The following MRPL40 variants were observed in gnomAD, a reference collection of about 807,000 sequenced individuals.
The protein encoded by MRPL40 is mitochondrial ribosomal protein L40.
MRPL40 carries 18 observed loss-of-function variants against 24.5 expected under a neutral mutation model. The ratio of observed to expected loss-of-function variants is 0.73; its 90% CI spans 0.51 to 1.09. MRPL40 has a LOEUF of 1.09. Among genes scored for constraint, MRPL40 ranks in the 50% least tolerant of loss-of-function variants. The pLI is 0.00. For missense variants in MRPL40, 256 were observed against 243.8 expected, an observed-to-expected ratio of 1.05 and a Z score of -0.33; for synonymous variants, 108 against 94.6, an observed-to-expected ratio of 1.14 and a Z score of -0.82.
intron 3 of MRPL40, among the ~76,000 whole-genome samples, chr22:19,435,364 T>G (rs1601874213): frequency 1.3e-5 from 2 of 152,310 alleles, no homozygotes; most frequent in South Asian, 4.1e-4. Flanking sequence ...GGGGCAGGTG[T>G]TAAAAGTCTT....
At chr22:19,433,627 A>G (rs2089566207) in intron 2 of MRPL40, among the ~76,000 whole-genome samples, 1 of 152,142 alleles carries the variant, frequency 6.6e-6, no homozygotes, top group Admixed American at 6.5e-5. Context: ...CTGTTTCTCC[A>G]TGACCCTTCC....
intron 2 of MRPL40, 96 bp from the exon 3 acceptor site, chr22:19,434,640 C>A (rs990713339): frequency 6.1e-6 from 6 of 980,152 alleles, no homozygotes; most frequent in Non-Finnish European, 9.0e-6. Context: ...CTCCTTCCCC[C>A]AGTGGAGAGG....
chr22:19,435,952 T>G lies in MRPL40; in HGVS notation c.611T>G (p.Phe204Cys). The G allele has an allele frequency of 1.9e-6, 3 of 1,612,664 alleles. No homozygotes were observed. Among genetic ancestry groups the G allele is most frequent in the Non-Finnish European group, 2.5e-6 (3 of 1,178,896 alleles). Reference sequence around the variant, plus strand: ...ACCAAGGTGTACACACAAGTGGAGTTTAAGAGATAGACTTGCAGGCTGCTA... The same window carrying G: ...ACCAAGGTGTACACACAAGTGGAGTGTAAGAGATAGACTTGCAGGCTGCTA... ...DITKVYTQVE[F>C]KR Residue 204 changes from phenylalanine (F) to cysteine (C), a missense_variant, in exon 4 of 4, where the codon TTT becomes TGT. Physicochemically the swap from Phe to Cys is radical, Grantham distance 205. Transcript: ENST00000333130.
Position 19,432,903 on chromosome 22 carries a change from T to C in MRPL40, c.53+296T>C, listed in dbSNP as rs748425591. On this transcript the variant is annotated intron_variant, in intron 1 of 3. Transcript: ENST00000333130. ...GGTTTGGGAGCATTGCAATTTTTTA[T>C]TTTCCTGTGAAGTGGGAGAGAATCA... 998 of 1,259,852 alleles carry C rather than the reference T, an allele frequency of 7.9e-4. 2 individuals carry two copies. Among genetic ancestry groups the C allele is most frequent in the South Asian group, 1.2e-3 (57 of 47,320 alleles). 78.0% of individuals were successfully genotyped at this position (1,259,852 alleles called of 1,614,324 possible).
Position 19,433,290 on chromosome 22 carries a change from C to T in MRPL40, c.79C>T (p.Leu27Phe), listed in dbSNP as rs773033924. ...GCTTCTGGGAACTTGGCAGACGCAGCTTAGAGAGACTCACCAGCGAGCGTC... is the reference window on the plus strand; with the variant it reads ...GCTTCTGGGAACTTGGCAGACGCAGTTTAGAGAGACTCACCAGCGAGCGTC... ...SGLLGTWQTQ[L>F]RETHQRASLL... The change falls in exon 2 of 4, where the codon CTT becomes TTT. Residue 27 changes from leucine to phenylalanine, a missense_variant. Coordinates refer to ENST00000333130, the MANE Select transcript of MRPL40 (RefSeq NM_003776.4). 20 of 1,612,670 alleles carry T rather than the reference C, an allele frequency of 1.2e-5. No individual in the cohort carries two copies. The Admixed American group carries it at 1.7e-4, about 13-fold the overall frequency.
rs1421652461 is a variant in MRPL40, at chr22:19,434,558, C to T, written c.138-178C>T. Reference sequence around the variant, plus strand: ...TATTTCTTGTAATTGATGGCACCTACACAGTTCTCACAAGTACTGTGGGGT... The same window carrying T: ...TATTTCTTGTAATTGATGGCACCTATACAGTTCTCACAAGTACTGTGGGGT... On this transcript the variant is annotated intron_variant, in intron 2 of 3. Coordinates refer to ENST00000333130, the MANE Select transcript of MRPL40 (RefSeq NM_003776.4). Among the ~76,000 whole-genome samples, 7 of 152,248 alleles carry T rather than the reference C, an allele frequency of 4.6e-5. 1 individual carries two copies. The highest frequency in any genetic ancestry group is 1.3e-4 in the Admixed American group (2 of 15,298).
intron 3 of MRPL40, among the ~76,000 whole-genome samples, chr22:19,435,403 C>T (rs1358311220): frequency 6.6e-6 from 1 of 152,204 alleles, no homozygotes; most frequent in African/African-American, 2.4e-5. Flanking sequence ...TTTGCTTGGG[C>T]AGAGGAAGTG....
intron 1 of MRPL40, 67 bp downstream of exon 1, chr22:19,432,674 C>A: frequency 6.7e-7 from 1 of 1,491,744 alleles, no homozygotes; most frequent in Non-Finnish European, 9.0e-7. Context: ...CGACTGTCCG[C>A]CAGGACTCGC....
At position 19,434,798 on chromosome 22, in the gene MRPL40, G is replaced by A. The variant is rs557010765; in HGVS notation, c.200G>A (p.Arg67His). The A allele has an allele frequency of 9.3e-6, 15 of 1,612,344 alleles. No individual in the cohort carries two copies. The highest frequency in any genetic ancestry group is 4.4e-5 in the South Asian group (4 of 90,640). Reference protein sequence around the residue: ...DPKKDQEAKERLKRKIRKLEK... With the variant: ...DPKKDQEAKEHLKRKIRKLEK... ...AAAAAAGACCAAGAAGCAAAGGAGCGCTTGAAAAGGAAGATCCGAAAACTG... is the reference window on the plus strand; with the variant it reads ...AAAAAAGACCAAGAAGCAAAGGAGCACTTGAAAAGGAAGATCCGAAAACTG... The change falls in exon 3 of 4, where the codon CGC (arginine) becomes CAC (histidine). Residue 67 changes from arginine (R) to histidine (H), a missense_variant. Coordinates refer to ENST00000333130, the MANE Select transcript of MRPL40 (RefSeq NM_003776.4).
chr22:19,433,064 T>C, intron 1 of MRPL40: 1 of 517,730 alleles, frequency 1.9e-6, no homozygotes. Context: ...GTAGCTCGGA[T>C]TACAGGCGCC....
At chr22:19,433,222 G>A (rs766613832) in intron 1 of MRPL40, 43 bp from the exon 2 acceptor site, 1 of 1,413,110 alleles carries the variant, frequency 7.1e-7, no homozygotes, top group Admixed American at 1.7e-5. Context: ...ACCGCGCCTA[G>A]CCTGGAGAAG....
Position 19,434,877 on chromosome 22 carries a change from G to C in MRPL40, c.279G>C (p.Lys93Asn). The C allele has an allele frequency of 6.3e-7, 1 of 1,594,280 alleles. No individual in the cohort carries two copies. ...IPIEDFITPL[K>N]FLDKARERPQ... ...TTGAAGATTTTATTACCCCTCTAAA[G>C]TTCTTGGATAAAGCAAGGTAAGGAT... The change falls in exon 3 of 4, where the codon AAG becomes AAC. Residue 93 changes from lysine (K) to asparagine (N), a missense_variant. Transcript: ENST00000333130.
chr22:19,435,656 G>A lies in MRPL40; in HGVS notation c.315G>A (p.Glu105=). The change falls in exon 4 of 4, where the codon GAG becomes GAA. Residue 105 remains glutamate, a synonymous_variant. Transcript: ENST00000333130. ...TTTGCAGAGAGCGGCCTCAGGTGGA[G>A]CTCACCTTTGAGGAGACTGAGAGGA... ...LDKARERPQV[E]LTFEETERRA... is the part of the protein sequence containing the mutation. 1.9e-6 allele frequency: 3 copies of A among 1,613,602 alleles called. No homozygotes were observed. The highest frequency in any genetic ancestry group is 2.5e-6 in the Non-Finnish European group (3 of 1,179,688).
In MRPL40 at chr22:19,436,043, G is replaced by C. The variant is rs1325682831; in HGVS notation, c.*81G>C. On this transcript the variant is annotated 3_prime_UTR_variant, in exon 4 of 4. Coordinates refer to ENST00000333130, the MANE Select transcript of MRPL40 (RefSeq NM_003776.4). ...TCAAGTCTGCTTTCCACAGAATCAG[G>C]CATGCTGTTAATAAATACTGGTTTA... 1.9e-5 allele frequency: 23 copies of C among 1,182,904 alleles called. No homozygotes were observed. The highest frequency in any genetic ancestry group is 2.7e-5 in the Non-Finnish European group (22 of 828,786). The allele number at this position is 1,182,904 out of a possible 1,614,324, so 73.3% of individuals were successfully genotyped here.
At chr22:19,433,667 A>T in intron 2 of MRPL40, among the ~76,000 whole-genome samples, 1 of 151,956 alleles carries the variant, frequency 6.6e-6, no homozygotes, top group East Asian at 1.9e-4. Flanking sequence ...GGCCCTGGAG[A>T]GTGTGGGGAA....
chr22:19,434,973 C>T (rs1332991000), intron 3 of MRPL40, 79 bp downstream of exon 3: 1 of 1,242,806 alleles, frequency 8.0e-7, no homozygotes, highest in East Asian at 2.3e-5. Context: ...CTGTAGTTCA[C>T]ACCTGTGATA....
intron 1 of MRPL40, chr22:19,432,930 ATATT>A (rs920670454): frequency 6.5e-4 from 738 of 1,128,558 alleles, no homozygotes; most frequent in Non-Finnish European, 7.2e-4. Flanking sequence ...AGAGAATCAG[ATATT>A]TATTTATTTA....
At position 19,432,587 on chromosome 22, in the gene MRPL40, A is replaced by G. The variant is rs999982880; in HGVS notation, c.33A>G (p.Leu11=). Reference sequence around the variant, plus strand: ...CCTCCGTGCTGCGAAGTATCTCGCTAGCCCTGCGCCCGACTAGCGGGTGAG... The same window carrying G: ...CCTCCGTGCTGCGAAGTATCTCGCTGGCCCTGCGCCCGACTAGCGGGTGAG... MTASVLRSIS[L]ALRPTSGLLG... is the part of the protein sequence containing the mutation. Residue 11 remains leucine, a synonymous_variant, in exon 1 of 4, where the codon CTA becomes CTG. Transcript: ENST00000333130. The G allele has an allele frequency of 9.0e-6, 14 of 1,553,862 alleles. No homozygotes were observed. The African/African-American group carries it at 1.2e-4, about 14-fold the overall frequency.
In MRPL40 at chr22:19,435,766, C is replaced by A. The variant is rs761723495; in HGVS notation, c.425C>A (p.Ala142Asp). ...ERDTIRAMLE[A>D]QQEALEELQL... The stretch of plus-strand genomic sequence containing the variant: ...GACACCATCAGGGCTATGCTAGAAG[C>A]CCAGCAGGAAGCTCTGGAGGAACTG... Residue 142 changes from alanine (A) to aspartate (D), a missense_variant, in exon 4 of 4, where the codon GCC (alanine) becomes GAC (aspartate). By Grantham distance (126) the Ala-to-Asp change is moderately radical. Transcript: ENST00000333130. 1 of 1,614,146 alleles carries A rather than the reference C, an allele frequency of 6.2e-7. No homozygotes were observed. Among genetic ancestry groups the A allele is most frequent in the Non-Finnish European group, 8.5e-7 (1 of 1,180,028 alleles).
Sources: gnomAD v4.1 joint callset for allele counts (sites outside exome capture counted in the v4.1 genomes callset) on GRCh38, gnomAD v4.1.1 for gene constraint, MANE v1.5 for transcripts, NCBI Gene and HGNC (gene_info 2026-07-23, HGNC 2026-07-21) for gene names.